Variants in GPHN observed in about 807,000 individuals in gnomAD.
GPHN encodes gephyrin.
GPHN carries 17 observed loss-of-function variants against 95.5 expected under a neutral mutation model. The observed-to-expected ratio is 0.18, with a 90% CI of 0.12 to 0.27. The LOEUF (loss-of-function observed/expected upper bound fraction) is 0.27, where lower values mean the gene tolerates loss of function less well. Among genes scored for constraint, GPHN ranks in the 10% least tolerant of loss-of-function variants. GPHN has a pLI of 1.00. For synonymous variants in GPHN, 320 were observed against 322.5 expected (o/e 0.99, Z 0.08); for missense variants, 660 against 978.1 (o/e 0.67, Z 4.34).
chr14:66,584,593 A>G (rs1595086044), intron 1 of GPHN, among the ~76,000 whole-genome samples: 2 of 152,148 alleles, frequency 1.3e-5, no homozygotes, highest in Non-Finnish European at 2.9e-5. Flanking sequence ...AGTTTTTAGC[A>G]TGAAGGGTTG....
At chr14:66,819,182 T>TA (rs2061094975) in intron 3 of GPHN, among the ~76,000 whole-genome samples, 1 of 152,228 alleles carries the variant, frequency 6.6e-6, no homozygotes, top group Admixed American at 6.5e-5. Flanking sequence ...TCCTAAATGG[T>TA]ATTGCCTAGG....
At chr14:67,654,314 AGGT>A in the GPHN span, among the ~76,000 whole-genome samples, 2 of 284 alleles carry the variant, frequency 7.0e-3, no homozygotes, top group Non-Finnish European at 0.018. Context: ...TATAGAGATG[AGGT>A]CTCGCTCTAG....
At chr14:67,329,435 C>T in the GPHN span, among the ~76,000 whole-genome samples, 23,628 of 152,092 alleles carry the variant, frequency 0.16, 3,469 homozygotes, top group East Asian at 0.42. Context: ...AGGGATAATT[C>T]GACTTCCTCT....
chr14:67,204,754 A>C, the GPHN span: 7 of 1,613,830 alleles, frequency 4.3e-6, no homozygotes, highest in East Asian at 1.3e-4. Flanking sequence ...TCTCTCAGGA[A>C]TTACGAATAG....
the GPHN span, among the ~76,000 whole-genome samples, chr14:67,655,335 T>A: frequency 6.6e-6 from 1 of 151,958 alleles, no homozygotes; most frequent in South Asian, 2.1e-4. Context: ...TCTAAAAAAC[T>A]AAAAAATTCC....
chr14:67,053,007 T>C (rs1346146893), intron 10 of GPHN, among the ~76,000 whole-genome samples: 1 of 151,126 alleles, frequency 6.6e-6, no homozygotes, highest in East Asian at 1.9e-4. Context: ...AGATCTCAAA[T>C]TGACGTCCTA....
At chr14:67,212,598 AAT>A in the GPHN span, among the ~76,000 whole-genome samples, 124 of 135,886 alleles carry the variant, frequency 9.1e-4, no homozygotes, top group African/African-American at 3.2e-3. Flanking sequence ...TGAAAAAAAA[AAT>A]ATATATATAT....
chr14:66,988,417 G>T (rs1334918172), intron 9 of GPHN, among the ~76,000 whole-genome samples: 1 of 151,946 alleles, frequency 6.6e-6, no homozygotes, highest in Non-Finnish European at 1.5e-5. Flanking sequence ...GATGTGAGGG[G>T]TATATCCTTG....
At chr14:67,647,025 A>G in the GPHN span, 11 of 1,598,548 alleles carry the variant, frequency 6.9e-6, no homozygotes, top group Admixed American at 1.7e-5. Flanking sequence ...CTGATTGGCA[A>G]GTAAGTAACT....
intron 16 of GPHN, among the ~76,000 whole-genome samples, chr14:67,115,852 A>G (rs949087453): frequency 2.6e-5 from 4 of 152,220 alleles, no homozygotes; most frequent in Admixed American, 2.0e-4. Flanking sequence ...CAAGATGTCT[A>G]TGTATACTCT....
the GPHN span, among the ~76,000 whole-genome samples, chr14:67,230,647 C>G: frequency 6.6e-6 from 1 of 152,004 alleles, no homozygotes; most frequent in Non-Finnish European, 1.5e-5. Context: ...CAAAATAAGA[C>G]TCGTACACAA....
chr14:66,700,477 T>C (rs961829117), intron 2 of GPHN, among the ~76,000 whole-genome samples: 8 of 152,230 alleles, frequency 5.3e-5, no homozygotes, highest in African/African-American at 1.7e-4. Context: ...TTCTCCCTTA[T>C]GATCTAATTT....
At chr14:67,511,990 C>G in the GPHN span, among the ~76,000 whole-genome samples, 1 of 152,248 alleles carries the variant, frequency 6.6e-6, no homozygotes. Context: ...CATCCCACAG[C>G]TCAAAGTCTG....
intron 1 of GPHN, among the ~76,000 whole-genome samples, chr14:66,624,257 C>T (rs1353725814): frequency 6.6e-6 from 1 of 152,194 alleles, no homozygotes; most frequent in Non-Finnish European, 1.5e-5. Context: ...ACTCAAATAT[C>T]TTTATTTCCT....
At chr14:67,549,093 A>G in the GPHN span, among the ~76,000 whole-genome samples, 1 of 152,158 alleles carries the variant, frequency 6.6e-6, no homozygotes, top group Non-Finnish European at 1.5e-5. Context: ...GCCAGGTACC[A>G]TAAAAGGAGA....
At chr14:67,332,366 T>C in the GPHN span, among the ~76,000 whole-genome samples, 1 of 152,140 alleles carries the variant, frequency 6.6e-6, no homozygotes, top group Non-Finnish European at 1.5e-5. Context: ...CAAAAGTAAA[T>C]GGCATTTTAG....
At chr14:67,690,849 G>T in the GPHN span, 1 of 412,102 alleles carries the variant, frequency 2.4e-6, no homozygotes, top group East Asian at 4.6e-5. Flanking sequence ...TATACCTGAT[G>T]CTGGCCACAA....
At chr14:66,635,090 G>A (rs2064024551) in intron 1 of GPHN, among the ~76,000 whole-genome samples, 1 of 152,176 alleles carries the variant, frequency 6.6e-6, no homozygotes, top group Admixed American at 6.5e-5. Flanking sequence ...CTCAGCTGGA[G>A]CTGTTGACAA....
At chr14:66,887,332 A>T (rs1243266725) in intron 5 of GPHN, among the ~76,000 whole-genome samples, 4 of 152,172 alleles carry the variant, frequency 2.6e-5, no homozygotes, top group African/African-American at 9.7e-5. Flanking sequence ...GCTCACACCT[A>T]TAATCCCAGT....
Sources: gnomAD v4.1 joint callset for allele counts (sites outside exome capture counted in the v4.1 genomes callset) on GRCh38, gnomAD v4.1.1 for gene constraint, MANE v1.5 for transcripts, NCBI Gene and HGNC (gene_info 2026-07-23, HGNC 2026-07-21) for gene names.